The following WDFY4 variants were observed in gnomAD, a reference collection of about 807,000 sequenced individuals.
WDFY4 encodes the protein WDFY family member 4.
In WDFY4, 169 loss-of-function variants were observed where a neutral mutation model predicts 351.9. The ratio of observed to expected loss-of-function variants is 0.48; its 90% CI spans 0.42 to 0.55. The LOEUF is 0.55. Ranked by LOEUF, WDFY4 falls within the 20% of genes least tolerant of loss-of-function variation. The pLI, the probability that WDFY4 is intolerant of heterozygous loss-of-function variation, is 0.00. For missense variants in WDFY4, 3,803 were observed against 3,935.6 expected (o/e 0.97, Z 0.90); for synonymous variants, 1,622 against 1,574.6 (o/e 1.03, Z -0.71).
intron 47 of WDFY4, among the ~76,000 whole-genome samples, chr10:48,919,605 A>G (rs866439489): frequency 1.3e-5 from 2 of 152,216 alleles, no homozygotes; most frequent in Admixed American, 6.5e-5. Flanking sequence ...TGGTAAGAGC[A>G]TGCTACCTGG....
chr10:48,733,203 T>G (rs1368241644), intron 9 of WDFY4, among the ~76,000 whole-genome samples: 5 of 152,234 alleles, frequency 3.3e-5, no homozygotes, highest in Non-Finnish European at 7.3e-5. Flanking sequence ...AACTTTTTTG[T>G]GAGCTCATGC....
chr10:48,950,330 C>T (rs895881331), intron 51 of WDFY4, among the ~76,000 whole-genome samples: 5 of 152,204 alleles, frequency 3.3e-5, no homozygotes, highest in African/African-American at 1.2e-4. Flanking sequence ...TTGCACTTAG[C>T]GTAACGTCCT....
intron 1 of WDFY4, among the ~76,000 whole-genome samples, chr10:48,705,238 T>C (rs1337117039): frequency 6.6e-6 from 1 of 152,260 alleles, no homozygotes; most frequent in Non-Finnish European, 1.5e-5. Flanking sequence ...GTTTGGATCC[T>C]GTTTTTATTT....
In WDFY4 at chr10:48,779,995, T is replaced by A. The variant is rs1370265337; in HGVS notation, c.3452T>A (p.Val1151Asp). ...SEPSAGCQLQ[V>D]RCGQLLACGQ... ...CCTTCTGCAGGATGCCAGCTTCAGG[T>A]CAGGTGTGGCCAGCTCCTGGCTTGT... is the stretch of plus-strand genomic sequence containing the variant. The change falls in exon 19 of 62, where the codon GTC (valine) becomes GAC (aspartate). Residue 1151 changes from valine (V) to aspartate (D), a missense_variant. Coordinates refer to ENST00000325239, the MANE Select transcript of WDFY4 (RefSeq NM_001394531.1). The A allele has an allele frequency of 6.4e-7, 1 of 1,551,690 alleles. No homozygotes were observed. The highest frequency in any genetic ancestry group is 2.0e-5 in the Admixed American group (1 of 50,984).
At chr10:48,775,878 C>A (rs2066016336) in intron 15 of WDFY4, 72 bp downstream of exon 15, 2 of 1,363,300 alleles carry the variant, frequency 1.5e-6, no homozygotes, top group Admixed American at 4.0e-5. Context: ...CTGAGGGATC[C>A]TTTACAACAG....
rs776686336 is a variant in WDFY4 at position 48,974,924 on chromosome 10, G to T, written c.8991G>T (p.Leu2997=). The change falls in exon 58 of 62, where the codon CTG becomes CTT. Residue 2997 remains leucine, a synonymous_variant. Transcript: ENST00000325239. ...CAGCGTCAGTCACCTTCAGCCTCCT[G>T]GTGAGCGGCTCCCAGGACTGCACCT... ...CLAASVTFSL[L]VSGSQDCTCI... The T allele has an allele frequency of 9.7e-6, 15 of 1,551,584 alleles. No homozygotes were observed. Among genetic ancestry groups the T allele is most frequent in the Non-Finnish European group, 1.3e-5 (15 of 1,146,954 alleles).
chr10:48,873,668 T>C lies in WDFY4; in HGVS notation c.6919T>C (p.Leu2307=), dbSNP rs1221227611. 6.4e-7 allele frequency: 1 copy of C among 1,551,812 alleles called. No homozygotes were observed. The highest frequency in any genetic ancestry group is 1.4e-5 in the African/African-American group (1 of 73,158). The change falls in exon 41 of 62, where the codon TTG becomes CTG. Residue 2307 remains leucine (L), a synonymous_variant. Coordinates refer to ENST00000325239, the MANE Select transcript of WDFY4 (RefSeq NM_001394531.1). Reference sequence around the variant, plus strand: ...GAAACGCATCAAACGCTTGTCTCCTTTGGAGGCCCTGAGCTCAGGAAGGCA... The same window carrying C: ...GAAACGCATCAAACGCTTGTCTCCTCTGGAGGCCCTGAGCTCAGGAAGGCA... The part of the protein sequence containing the change: ...MRKRIKRLSP[L]EALSSGRHKE...
intron 2 of WDFY4, among the ~76,000 whole-genome samples, chr10:48,716,357 A>G (rs560086395): frequency 9.2e-5 from 14 of 152,204 alleles, no homozygotes; most frequent in African/African-American, 3.4e-4. Flanking sequence ...CCAGAGCATC[A>G]TTTTCTTTCT....
intron 39 of WDFY4, among the ~76,000 whole-genome samples, chr10:48,846,316 G>A (rs2068774561): frequency 6.6e-6 from 1 of 152,212 alleles, no homozygotes; most frequent in Non-Finnish European, 1.5e-5. Flanking sequence ...TCTGCTTAGA[G>A]GAGGCCTGCA....
chr10:48,940,338 A>G (rs1294669998), intron 47 of WDFY4, among the ~76,000 whole-genome samples: 1 of 152,252 alleles, frequency 6.6e-6, no homozygotes, highest in Non-Finnish European at 1.5e-5. Context: ...CATGGCCCAA[A>G]TAGATGACTT....
chr10:48,687,498 C>A (rs1248270684), intron 1 of WDFY4, among the ~76,000 whole-genome samples: 1 of 151,982 alleles, frequency 6.6e-6, no homozygotes, highest in Non-Finnish European at 1.5e-5. Context: ...AGTCTCTAGT[C>A]TGCCTGGAAA....
intron 29 of WDFY4, 133 bp from the exon 30 acceptor site, chr10:48,811,406 T>A (rs997368951): frequency 1.4e-6 from 1 of 734,360 alleles, no homozygotes; most frequent in East Asian, 2.7e-5. Context: ...CCCATCTATG[T>A]GTGAATATAT....
intron 14 of WDFY4, among the ~76,000 whole-genome samples, chr10:48,775,358 C>A (rs1432788455): frequency 6.6e-6 from 1 of 152,150 alleles, no homozygotes; most frequent in Non-Finnish European, 1.5e-5. Context: ...GCCTTTCCAG[C>A]CAGCAGACAT....
At chr10:48,861,198 ATTT>A (rs1367959755) in intron 39 of WDFY4, among the ~76,000 whole-genome samples, 3 of 152,302 alleles carry the variant, frequency 2.0e-5, no homozygotes, top group South Asian at 4.1e-4. Flanking sequence ...CAGTGTTATA[ATTT>A]TTGTTTTAAC....
rs751111545 is a variant in WDFY4 at position 48,810,660 on chromosome 10, C to T, written c.4969C>T (p.Arg1657Cys). Residue 1657 changes from arginine (R) to cysteine (C), a missense_variant, in exon 29 of 62, where the codon CGC becomes TGC. Physicochemically the swap from Arg to Cys is radical, Grantham distance 180. Coordinates refer to ENST00000325239, the MANE Select transcript of WDFY4 (RefSeq NM_001394531.1). ...LLYFLASPSL[R>C]TRFRDGLCAG... ...GTACTTTCTGGCAAGCCCCTCCCTC[C>T]GCACACGGTTTAGAGATGGCCTGTG... 78 of 1,551,678 alleles carry T rather than the reference C, an allele frequency of 5.0e-5. No homozygotes were observed. The highest frequency in any genetic ancestry group is 5.9e-5 in the Non-Finnish European group (68 of 1,146,984).
chr10:48,947,626 G>C (rs1247543266), intron 51 of WDFY4, among the ~76,000 whole-genome samples: 6 of 152,168 alleles, frequency 3.9e-5, no homozygotes, highest in Admixed American at 3.9e-4. Context: ...GGTGTCCAAG[G>C]CATGGGGGAT....
chr10:48,880,538 G>T (rs575038041), intron 43 of WDFY4, among the ~76,000 whole-genome samples: 1 of 152,216 alleles, frequency 6.6e-6, no homozygotes, highest in Non-Finnish European at 1.5e-5. Context: ...GTGGGGATCC[G>T]CAGGATGTGC....
intron 47 of WDFY4, among the ~76,000 whole-genome samples, chr10:48,922,566 G>A (rs373860986): frequency 2.6e-5 from 4 of 152,070 alleles, no homozygotes; most frequent in South Asian, 4.2e-4. Flanking sequence ...ATCTCTTACG[G>A]TGCCTAACTC....
chr10:48,861,596 G>A (rs2069346543), intron 39 of WDFY4, among the ~76,000 whole-genome samples: 1 of 152,070 alleles, frequency 6.6e-6, no homozygotes, highest in African/African-American at 2.4e-5. Flanking sequence ...GTAAGGTGTT[G>A]TTTCTCTCTT....
Sources: allele counts gnomAD v4.1 joint callset (sites outside exome capture counted in the v4.1 genomes callset), GRCh38; gene constraint gnomAD v4.1.1; transcripts MANE v1.5; gene names NCBI Gene and HGNC (gene_info 2026-07-23, HGNC 2026-07-21).